The following PCDH15 variants were observed in gnomAD, a reference collection of about 807,000 sequenced individuals.
PCDH15 encodes protocadherin related 15.
Under a neutral mutation model 178.5 loss-of-function variants are expected in PCDH15, and 129 were observed. That is an observed-to-expected ratio of 0.72 (90% CI 0.63 to 0.84). The LOEUF is 0.84. Among genes scored for constraint, PCDH15 ranks in the 40% least tolerant of loss-of-function variants. PCDH15 has a pLI of 0.00. For missense variants in PCDH15, 2,230 were observed against 2,099.9 expected (o/e 1.06, Z -1.21); for synonymous variants, 800 against 732.0 (o/e 1.09, Z -1.50).
At chr10:54,014,387 G>A (rs751113302) in intron 20 of PCDH15, among the ~76,000 whole-genome samples, 1 of 151,990 alleles carries the variant, frequency 6.6e-6, no homozygotes, top group Non-Finnish European at 1.5e-5. Flanking sequence ...AAAAATTGAG[G>A]AGGAGGCATC....
chr10:54,114,217 A>T (rs2132747569), intron 15 of PCDH15, among the ~76,000 whole-genome samples: 1 of 152,232 alleles, frequency 6.6e-6, no homozygotes, highest in Admixed American at 6.5e-5. Context: ...GTTTCTTTTT[A>T]TTTTAGAAAA....
At chr10:55,607,747 G>A (rs1186344120) in intron 2 of PCDH15, among the ~76,000 whole-genome samples, 6 of 120,986 alleles carry the variant, frequency 5.0e-5, no homozygotes, top group African/African-American at 1.3e-4. Flanking sequence ...GGGGACTGTT[G>A]TGGGGTGGGG....
chr10:53,965,582 G>A (rs899900678), intron 21 of PCDH15, among the ~76,000 whole-genome samples: 2 of 152,058 alleles, frequency 1.3e-5, no homozygotes, highest in Non-Finnish European at 1.5e-5. Flanking sequence ...AAAGTGCTTG[G>A]CAAAGATACT....
chr10:53,920,559 T>TAGTTAA (rs1328435725), intron 25 of PCDH15, among the ~76,000 whole-genome samples: 3 of 152,094 alleles, frequency 2.0e-5, no homozygotes, highest in African/African-American at 4.8e-5. Context: ...TAATTTAAAA[T>TAGTTAA]AGTTAATGTT....
rs767417353 is a variant in PCDH15, at chr10:53,959,696, A to G, written c.3122+36T>C. The G allele has an allele frequency of 2.4e-5, 36 of 1,498,980 alleles. 1 individual carries two copies. The South Asian group carries it at 4.0e-4, about 17-fold the overall frequency. The allele number at this position is 1,498,980 out of a possible 1,614,324, so 92.9% of individuals were successfully genotyped here. A position where few individuals can be genotyped will look rare whatever the true frequency, so the allele number is the denominator to read the frequency against. ...GACTCCTTTCAAAAATGCCCTAAAC[A>G]TTTCGTGTATTTCAAAATCGGACAG... On this transcript the variant is annotated intron_variant, in intron 23 of 37. Coordinates refer to ENST00000644397, the MANE Select transcript of PCDH15 (RefSeq NM_001384140.1).
chr10:54,820,727 T>C (rs1953024032), intron 3 of PCDH15, among the ~76,000 whole-genome samples: 2 of 152,018 alleles, frequency 1.3e-5, no homozygotes, highest in Non-Finnish European at 2.9e-5. Flanking sequence ...CTACAGAGGA[T>C]CAGTAACTTA....
chr10:54,254,843 T>C (rs1413696398), intron 8 of PCDH15, among the ~76,000 whole-genome samples: 1 of 152,238 alleles, frequency 6.6e-6, no homozygotes, highest in Non-Finnish European at 1.5e-5. Context: ...AATGACATTC[T>C]TGATATTTGC....
intron 6 of PCDH15, among the ~76,000 whole-genome samples, chr10:54,331,941 C>T (rs1462591585): frequency 1.3e-5 from 2 of 151,734 alleles, no homozygotes; most frequent in Non-Finnish European, 2.9e-5. Context: ...AAAAATTTCT[C>T]TTAATTGCAA....
In PCDH15 at chr10:54,645,765, G is replaced by A. The variant is rs189917431; in HGVS notation, c.91+18407C>T. Among the ~76,000 whole-genome samples, 255 of 152,226 alleles carry A rather than the reference G, an allele frequency of 1.7e-3. 2 individuals are homozygous for A. The highest frequency in any genetic ancestry group is 3.3e-3 in the Non-Finnish European group (222 of 67,986). On this transcript the variant is annotated intron_variant, in intron 2 of 37. Transcript: ENST00000644397. The stretch of plus-strand genomic sequence containing the variant: ...ACATTAAGGAATATTGATTAATGAT[G>A]AAGAAACATTAAATATGCTTTAAAT...
chr10:54,695,868 A>G (rs1019952142), intron 1 of PCDH15, among the ~76,000 whole-genome samples: 9 of 151,936 alleles, frequency 5.9e-5, no homozygotes, highest in Admixed American at 1.3e-4. Context: ...TTAAGCCCCA[A>G]TGGAAAAAAA....
rs1844311458 is a variant in PCDH15, at chr10:55,334,290, G to GTA, written c.-155-167641_-155-167640dup. Among the ~76,000 whole-genome samples the GTA allele has an allele frequency of 5.5e-4, 69 of 126,534 alleles. 3 individuals are homozygous for GTA. The highest frequency in any genetic ancestry group is 2.0e-3 in the African/African-American group (59 of 29,390). The allele number at this position is 126,534 out of a possible 152,430, so 83.0% of individuals were successfully genotyped here. ...TGTGTGTGTGTGTGTGTGTGTATGT[G>GTA]TATATATCTATATATATATATATAT... is the stretch of plus-strand genomic sequence containing the variant. On this transcript the variant is annotated intron_variant, in intron 2 of 5. Transcript: ENST00000613346.
intron 1 of PCDH15, among the ~76,000 whole-genome samples, chr10:55,166,953 T>A (rs1839211192): frequency 6.6e-6 from 1 of 152,186 alleles, no homozygotes; most frequent in Non-Finnish European, 1.5e-5. Flanking sequence ...ATATTTGGTA[T>A]GACCAGAGTC....
intron 2 of PCDH15, among the ~76,000 whole-genome samples, chr10:55,577,046 A>C (rs1237186058): frequency 6.6e-6 from 1 of 152,140 alleles, no homozygotes; most frequent in Non-Finnish European, 1.5e-5. Context: ...GTTTGAGACC[A>C]GCATGGCCAA....
chr10:54,171,681 T>G (rs1057019387), intron 13 of PCDH15, among the ~76,000 whole-genome samples: 1 of 152,092 alleles, frequency 6.6e-6, no homozygotes, highest in Non-Finnish European at 1.5e-5. Flanking sequence ...GGCAGGACTA[T>G]GCTGAATCTC....
At chr10:53,810,889 G>A (rs2075840395) in intron 36 of PCDH15, among the ~76,000 whole-genome samples, 1 of 152,160 alleles carries the variant, frequency 6.6e-6, no homozygotes. Context: ...AATAAAGAGA[G>A]TTGAGTTATT....
chr10:54,172,173 C>T (rs2046980797), intron 13 of PCDH15, among the ~76,000 whole-genome samples: 2 of 152,084 alleles, frequency 1.3e-5, no homozygotes, highest in South Asian at 4.1e-4. Context: ...CCTGCCCCAC[C>T]TTAACTGATG....
At chr10:55,299,223 C>A (rs1462505376) in intron 1 of PCDH15, among the ~76,000 whole-genome samples, 1 of 152,080 alleles carries the variant, frequency 6.6e-6, no homozygotes, top group Non-Finnish European at 1.5e-5. Context: ...GTAACTTTCT[C>A]AACTCTTGGA....
At chr10:55,100,710 A>C (rs138581277) in intron 2 of PCDH15, among the ~76,000 whole-genome samples, 153 of 152,254 alleles carry the variant, frequency 1.0e-3, no homozygotes, top group African/African-American at 3.6e-3. Flanking sequence ...CTACTGCCTT[A>C]CAGAGAAGGC....
intron 2 of PCDH15, among the ~76,000 whole-genome samples, chr10:55,439,816 T>C (rs1253268237): frequency 6.6e-6 from 1 of 152,020 alleles, no homozygotes; most frequent in Non-Finnish European, 1.5e-5. Context: ...ATAAGGCTAC[T>C]ATAAAAAGTT....
Sources: gnomAD v4.1 joint callset for allele counts (sites outside exome capture counted in the v4.1 genomes callset) on GRCh38, gnomAD v4.1.1 for gene constraint, MANE v1.5 for transcripts, NCBI Gene and HGNC (gene_info 2026-07-23, HGNC 2026-07-21) for gene names.